The following DPP6 variants were observed in gnomAD, a reference collection of about 807,000 sequenced individuals.
The protein encoded by DPP6 is A-type potassium channel modulatory protein DPP6.
In DPP6, 69 loss-of-function variants were observed where a neutral mutation model predicts 122.6. The ratio of observed to expected loss-of-function variants is 0.56; its 90% CI spans 0.46 to 0.69. DPP6 has a LOEUF of 0.69. Among genes scored for constraint, DPP6 ranks in the 30% least tolerant of loss-of-function variants. The pLI, the probability that DPP6 is intolerant of heterozygous loss-of-function variation, is 0.00. For synonymous variants in DPP6, 418 were observed against 433.1 expected, an observed-to-expected ratio of 0.97 and a Z score of 0.43; for missense variants, 928 against 1,116.9, an observed-to-expected ratio of 0.83 and a Z score of 2.41.
chr7:153,793,114 T>A, the DPP6 span, among the ~76,000 whole-genome samples: 1 of 152,118 alleles, frequency 6.6e-6, no homozygotes, highest in African/African-American at 2.4e-5. Context: ...CATTGGGGCA[T>A]TGCTGAAAAG....
chr7:153,908,701 C>T (rs1034212106), intron 1 of DPP6, among the ~76,000 whole-genome samples: 14 of 152,170 alleles, frequency 9.2e-5, no homozygotes, highest in African/African-American at 3.4e-4. Context: ...GAGTAGTTAA[C>T]TCATTTAATT....
intron 1 of DPP6, among the ~76,000 whole-genome samples, chr7:154,314,238 G>T (rs560436658): frequency 1.3e-5 from 2 of 152,290 alleles, no homozygotes; most frequent in African/African-American, 4.8e-5. Flanking sequence ...AAATGGGGAT[G>T]ATTCCTGTCA....
intron 1 of DPP6, among the ~76,000 whole-genome samples, chr7:154,280,742 C>A (rs1178149952): frequency 2.6e-5 from 4 of 152,122 alleles, no homozygotes; most frequent in African/African-American, 9.7e-5. Flanking sequence ...TTAACATTTT[C>A]TTCTACCAAT....
intron 20 of DPP6, 196 bp downstream of exon 20, chr7:154,876,296 T>C (rs930320274): frequency 2.0e-5 from 20 of 1,010,414 alleles, no homozygotes; most frequent in Non-Finnish European, 2.6e-5. Flanking sequence ...GGGACATTTA[T>C]AACTAGTTTT....
chr7:153,951,812 G>A (rs1428072605), intron 1 of DPP6, among the ~76,000 whole-genome samples: 1 of 152,124 alleles, frequency 6.6e-6, no homozygotes, highest in Non-Finnish European at 1.5e-5. Flanking sequence ...GGAGGCTGAG[G>A]TGTGGGGATC....
intron 10 of DPP6, among the ~76,000 whole-genome samples, chr7:154,777,102 T>C (rs1796622668): frequency 6.6e-6 from 1 of 152,234 alleles, no homozygotes; most frequent in Non-Finnish European, 1.5e-5. Flanking sequence ...ATCTTTGCAT[T>C]GGCAAGCACT....
chr7:153,812,900 A>T, the DPP6 span, among the ~76,000 whole-genome samples: 1 of 152,114 alleles, frequency 6.6e-6, no homozygotes, highest in South Asian at 2.1e-4. Flanking sequence ...CAAAACAAAG[A>T]TTTATTTTAA....
intron 1 of DPP6, among the ~76,000 whole-genome samples, chr7:154,439,914 G>A (rs1022662941): frequency 6.6e-5 from 10 of 152,130 alleles, no homozygotes; most frequent in South Asian, 2.1e-4. Flanking sequence ...TCCATGAGGC[G>A]CATACGGAAA....
At chr7:153,826,113 C>T in the DPP6 span, among the ~76,000 whole-genome samples, 1 of 152,174 alleles carries the variant, frequency 6.6e-6, no homozygotes, top group African/African-American at 2.4e-5. Context: ...GGTGACCCAT[C>T]GGAAAGTGCT....
At chr7:154,746,278 G>A (rs75613596) in intron 8 of DPP6, among the ~76,000 whole-genome samples, 372 of 152,258 alleles carry the variant, frequency 2.4e-3, no homozygotes, top group Non-Finnish European at 4.0e-3. Flanking sequence ...TTCCCGCATA[G>A]TCCCCAGGGC....
chr7:154,268,381 C>G (rs1466422625), intron 1 of DPP6, among the ~76,000 whole-genome samples: 1 of 152,172 alleles, frequency 6.6e-6, no homozygotes. Flanking sequence ...GAAACAGATT[C>G]AGCATCTGGT....
At chr7:154,428,721 A>G (rs529117638) in intron 1 of DPP6, among the ~76,000 whole-genome samples, 7 of 152,336 alleles carry the variant, frequency 4.6e-5, no homozygotes, top group Admixed American at 2.0e-4. Context: ...GCTGGAGGCC[A>G]TTGTCCTAAG....
intron 1 of DPP6, among the ~76,000 whole-genome samples, chr7:153,908,311 A>G (rs1234365908): frequency 6.6e-6 from 1 of 152,182 alleles, no homozygotes; most frequent in Non-Finnish European, 1.5e-5. Flanking sequence ...AGGATGAAAC[A>G]ACAGACTTGG....
chr7:153,780,764 A>C, the DPP6 span, among the ~76,000 whole-genome samples: 4 of 152,172 alleles, frequency 2.6e-5, no homozygotes, highest in African/African-American at 9.7e-5. Flanking sequence ...TTAGTCCAGA[A>C]GGAAATGTTA....
chr7:154,636,412 A>G (rs1196192540), intron 5 of DPP6, among the ~76,000 whole-genome samples: 2 of 152,050 alleles, frequency 1.3e-5, no homozygotes, highest in African/African-American at 2.4e-5. Context: ...AAGCAGCACC[A>G]CTCATCCCGG....
rs1263769621 is a variant in DPP6, at chr7:154,052,489, T to A, written c.-332T>A. On this transcript the variant is annotated 5_prime_UTR_variant, in exon 1 of 26. Coordinates refer to ENST00000377770, the MANE Select transcript of DPP6 (RefSeq NM_130797.4). This position sits in a 1 kb window ranked among gnomAD's most constrained non-coding sequence, Gnocchi z 4.8. ...TTTGGTTTTTTTTCTTCCTTCAATC[T>A]CTTTGATTAGGCCGTACGTGGCTGT... The A allele has an allele frequency of 9.9e-6, 4 of 403,106 alleles. No individual in the cohort carries two copies. Among genetic ancestry groups the A allele is most frequent in the African/African-American group, 2.2e-5 (1 of 46,140 alleles). 25.0% of individuals were successfully genotyped at this position (403,106 alleles called of 1,614,324 possible). A position where few individuals can be genotyped will look rare whatever the true frequency, so the allele number is the denominator to read the frequency against.
chr7:154,361,838 T>C (rs1476957422), intron 1 of DPP6, among the ~76,000 whole-genome samples: 1 of 152,224 alleles, frequency 6.6e-6, no homozygotes, highest in Admixed American at 6.5e-5. Context: ...AGATGGAGAA[T>C]TGGAGTAGAA....
intron 1 of DPP6, among the ~76,000 whole-genome samples, chr7:154,377,643 C>T (rs1813240229): frequency 1.3e-5 from 2 of 152,126 alleles, no homozygotes; most frequent in Admixed American, 1.3e-4. Flanking sequence ...TCTCTCTCAC[C>T]CTCCTGCTTC....
rs1802033508 is a variant in DPP6, at chr7:154,062,018, G to GAC, written c.243+8955_243+8956insAC. Among the ~76,000 whole-genome samples, 15 of 98,046 alleles carry GAC rather than the reference G, an allele frequency of 1.5e-4. 2 individuals are homozygous for GAC. In the South Asian group the frequency reaches 3.7e-3, roughly 24 times the overall value. 64.3% of individuals were successfully genotyped at this position (98,046 alleles called of 152,430 possible). On this transcript the variant is annotated intron_variant, in intron 1 of 25. Transcript: ENST00000377770. ...GGCTGTTGGTACCCCCATCGCAGGG[G>GAC]GGGGGAGGCACCCCCCGCGAGGCAG...
Sources: gnomAD v4.1 joint callset for allele counts (sites outside exome capture counted in the v4.1 genomes callset) on GRCh38, gnomAD v4.1.1 for gene constraint, Gnocchi (gnomAD v3.1) non-coding constraint, MANE v1.5 for transcripts, NCBI Gene and HGNC (gene_info 2026-07-23, HGNC 2026-07-21) for gene names.